The following WDR26 variants were observed in gnomAD, a reference collection of about 807,000 sequenced individuals.
The protein encoded by WDR26 is WD repeat domain 26.
A neutral mutation model predicts 84.1 loss-of-function variants in WDR26; 5 were observed. That is an observed-to-expected ratio of 0.06 (90% CI 0.03 to 0.13). The LOEUF is 0.13. Among genes scored for constraint, WDR26 ranks in the 10% least tolerant of loss-of-function variants. The pLI is 1.00. For missense variants in WDR26, 642 were observed against 974.9 expected (o/e 0.66, Z 4.55); for synonymous variants, 415 against 389.6 (o/e 1.07, Z -0.77).
At chr1:224,401,946 C>G (rs1158259294) in intron 8 of WDR26, 9 of 152,102 alleles carry the variant, frequency 5.9e-5, no homozygotes, top group East Asian at 5.8e-4. Context: ...GGCTACAACC[C>G]TCAGGTATCC....
At position 224,427,103 on chromosome 1, in the gene WDR26, C is replaced by CAAAAA. The variant is rs769063024; in HGVS notation, c.928-2450_928-2449insTTTTT. 1.7e-3 allele frequency among the ~76,000 whole-genome samples: 159 copies of CAAAAA among 91,166 alleles called. 13 individuals carry two copies. The highest frequency in any genetic ancestry group is 6.7e-3 in the Middle Eastern group (1 of 150). 59.8% of individuals were successfully genotyped at this position (91,166 alleles called of 152,430 possible). A position where few individuals can be genotyped will look rare whatever the true frequency, so the allele number is the denominator to read the frequency against. ...GGGCAACGAGAGCAAAACTCTGTCT[C>CAAAAA]CAAAAAAAAAAAAAAAAAAAAAAAG... is the stretch of plus-strand genomic sequence containing the variant. On this transcript the variant is annotated intron_variant, in intron 3 of 13. Transcript: ENST00000414423.
At chr1:224,418,610 T>C (rs1673973113) in intron 5 of WDR26, among the ~76,000 whole-genome samples, 194 bp from the exon 6 acceptor site, 1 of 152,168 alleles carries the variant, frequency 6.6e-6, no homozygotes, top group African/African-American at 2.4e-5. Flanking sequence ...GCTCATAAAA[T>C]TGGATATATT....
chr1:224,418,355 C>A lies in WDR26; in HGVS notation c.1224G>T (p.Ala408=). ...GGCACCGATCCCTTTGTAGTTCCAC[C>A]GCCTGCCGCAGGAGAGTCTGTAAAC... The change falls in exon 6 of 14, where the codon GCG becomes GCT. Residue 408 remains alanine, a synonymous_variant. Coordinates refer to ENST00000414423, the MANE Select transcript of WDR26 (RefSeq NM_001379403.1). 1 of 1,613,442 alleles carries A rather than the reference C, an allele frequency of 6.2e-7. No individual in the cohort carries two copies. Among genetic ancestry groups the A allele is most frequent in the South Asian group, 1.1e-5 (1 of 90,998 alleles).
chr1:224,422,233 G>GA, intron 4 of WDR26, among the ~76,000 whole-genome samples: 1 of 152,278 alleles, frequency 6.6e-6, no homozygotes, highest in South Asian at 2.1e-4. Context: ...TTAAGGAACA[G>GA]AAAGAGCATG....
intron 13 of WDR26, among the ~76,000 whole-genome samples, chr1:224,393,438 C>T (rs953283167): frequency 6.6e-6 from 1 of 152,072 alleles, no homozygotes; most frequent in African/African-American, 2.4e-5. Flanking sequence ...AATCTATAAT[C>T]AAGATATTTA....
chr1:224,434,579 C>G lies in WDR26; in HGVS notation c.-174G>C, dbSNP rs973949598. 8 of 477,186 alleles carry G rather than the reference C, an allele frequency of 1.7e-5. No homozygotes were observed. Among genetic ancestry groups the G allele is most frequent in the East Asian group, 1.6e-4 (1 of 6,374 alleles). The allele number at this position is 477,186 out of a possible 1,614,324, so 29.6% of individuals were successfully genotyped here. Reference sequence around the variant, plus strand: ...GGAGGATCCGGGCCCTTTCCCCCCCCCCTCCCGGAGGCAGCTCGGGGTGCG... The same window carrying G: ...GGAGGATCCGGGCCCTTTCCCCCCCGCCTCCCGGAGGCAGCTCGGGGTGCG... On this transcript the variant is annotated 5_prime_UTR_variant, in exon 1 of 14. Transcript: ENST00000414423.
intron 3 of WDR26, among the ~76,000 whole-genome samples, chr1:224,428,314 C>T (rs1469554482): frequency 6.6e-6 from 1 of 152,150 alleles, no homozygotes; most frequent in African/African-American, 2.4e-5. Flanking sequence ...CTAGCTAATT[C>T]AGTAATGGTT....
chr1:224,411,658 A>G, intron 6 of WDR26, 93 bp from the exon 7 acceptor site: 1 of 1,338,434 alleles, frequency 7.5e-7, no homozygotes, highest in Non-Finnish European at 1.0e-6. Context: ...TTCTTTGAAG[A>G]TCACATCACT....
At chr1:224,399,063 C>T in intron 9 of WDR26, 29 bp from the exon 10 acceptor site, 1 of 1,478,364 alleles carries the variant, frequency 6.8e-7, no homozygotes, top group Non-Finnish European at 8.9e-7. Flanking sequence ...CTATTAACTT[C>T]ATTACTCAAC....
chr1:224,399,132 A>C, intron 9 of WDR26, 98 bp from the exon 10 acceptor site: 2 of 1,209,088 alleles, frequency 1.7e-6, no homozygotes, highest in Non-Finnish European at 1.1e-6. Context: ...TTTTAGTAAC[A>C]GGTTTTTTTT....
In WDR26 at chr1:224,423,147, T is replaced by C. The variant is rs139100253; in HGVS notation, c.1064+1371A>G. Among the ~76,000 whole-genome samples, 473 of 152,340 alleles carry C rather than the reference T, an allele frequency of 3.1e-3. 1 individual carries two copies. The highest frequency in any genetic ancestry group is 0.011 in the African/African-American group (438 of 41,568). Reference sequence around the variant, plus strand: ...GAACTTGCCTATTAGTTCTAAGAGTTTTTTAGTGGATTCCTTAAATTTTCT... The same window carrying C: ...GAACTTGCCTATTAGTTCTAAGAGTCTTTTAGTGGATTCCTTAAATTTTCT... On this transcript the variant is annotated intron_variant, in intron 4 of 13. Coordinates refer to ENST00000414423, the MANE Select transcript of WDR26 (RefSeq NM_001379403.1).
At chr1:224,416,918 A>C (rs766271920) in intron 6 of WDR26, among the ~76,000 whole-genome samples, 7 of 152,234 alleles carry the variant, frequency 4.6e-5, no homozygotes, top group Non-Finnish European at 8.8e-5. Context: ...AATCCTCAGA[A>C]GCAGGTCAAT....
intron 9 of WDR26, among the ~76,000 whole-genome samples, chr1:224,400,290 G>GTTT (rs5781365): frequency 6.8e-6 from 1 of 146,608 alleles, no homozygotes; most frequent in Non-Finnish European, 1.5e-5. Context: ...AAAATTCAGT[G>GTTT]TTTTTTTTTT....
At position 224,397,999 on chromosome 1, in the gene WDR26, T is replaced by C. The variant is rs1244937436; in HGVS notation, c.2074+98A>G. On this transcript the variant is annotated intron_variant, in intron 12 of 13. Coordinates refer to ENST00000414423, the MANE Select transcript of WDR26 (RefSeq NM_001379403.1). Reference sequence around the variant, plus strand: ...TTGGATAAATGAAAGAATTTTAACTTACTACCCTGAATTTTCTTGGAGACA... The same window carrying C: ...TTGGATAAATGAAAGAATTTTAACTCACTACCCTGAATTTTCTTGGAGACA... The C allele has an allele frequency of 3.5e-6, 5 of 1,449,100 alleles. No individual in the cohort carries two copies. In the East Asian group the frequency reaches 9.5e-5, roughly 28 times the overall value. The allele number at this position is 1,449,100 out of a possible 1,614,324, so 89.8% of individuals were successfully genotyped here. A position where few individuals can be genotyped will look rare whatever the true frequency, so the allele number is the denominator to read the frequency against.
chr1:224,411,657 G>T, intron 6 of WDR26, 92 bp from the exon 7 acceptor site: 2 of 1,327,602 alleles, frequency 1.5e-6, no homozygotes, highest in Non-Finnish European at 2.0e-6. Flanking sequence ...CTTCTTTGAA[G>T]ATCACATCAC....
At chr1:224,417,467 G>T (rs1477382386) in intron 6 of WDR26, among the ~76,000 whole-genome samples, 1 of 152,226 alleles carries the variant, frequency 6.6e-6, no homozygotes, top group African/African-American at 2.4e-5. Flanking sequence ...TGCTTTGGGA[G>T]GCCAAGGCAG....
At chr1:224,411,345 T>C (rs1292604130) in intron 7 of WDR26, 82 bp downstream of exon 7, 8 of 1,432,750 alleles carry the variant, frequency 5.6e-6, no homozygotes, top group African/African-American at 4.3e-5. Context: ...TTGATACATA[T>C]ATACTTAAAA....
At chr1:224,427,836 AT>A (rs1674272114) in intron 3 of WDR26, among the ~76,000 whole-genome samples, 2 of 152,228 alleles carry the variant, frequency 1.3e-5, no homozygotes, top group Admixed American at 6.5e-5. Flanking sequence ...AGACCCTTTA[AT>A]TAACAAATAA....
Position 224,401,016 on chromosome 1 carries a change from A to G in WDR26, c.1653T>C (p.Ser551=). 1 of 1,614,084 alleles carries G rather than the reference A, an allele frequency of 6.2e-7. No homozygotes were observed. Among genetic ancestry groups the G allele is most frequent in the Non-Finnish European group, 8.5e-7 (1 of 1,179,986 alleles). The change falls in exon 9 of 14, where the codon AGT becomes AGC. Residue 551 remains serine (S), a synonymous_variant. Coordinates refer to ENST00000414423, the MANE Select transcript of WDR26 (RefSeq NM_001379403.1). ...GCTTCCCATCTGGATTCCAAGCCAC[A>G]CTTGTCAAACTGTCTTCATGAGACT...
Sources: gnomAD v4.1 joint callset for allele counts (sites outside exome capture counted in the v4.1 genomes callset) on GRCh38, gnomAD v4.1.1 for gene constraint, MANE v1.5 for transcripts, NCBI Gene and HGNC (gene_info 2026-07-23, HGNC 2026-07-21) for gene names.